TMPRSS3: variants seen among roughly 807,000 people sequenced by gnomAD.
TMPRSS3 encodes transmembrane serine protease 3, also known as transmembrane protease serine 3.
A neutral mutation model predicts 59.6 loss-of-function variants in TMPRSS3; 55 were observed. That is an observed-to-expected ratio of 0.92 (90% CI 0.74 to 1.16). The LOEUF (loss-of-function observed/expected upper bound fraction) is 1.16. Ranked by LOEUF, TMPRSS3 falls within the 50% of genes most tolerant of loss-of-function variation. The probability of loss-of-function intolerance (pLI) is 0.00; values close to 1 mark genes in which losing one functional copy is unlikely to be tolerated. For missense variants in TMPRSS3, 596 were observed against 579.4 expected, an observed-to-expected ratio of 1.03 and a Z score of -0.29; for synonymous variants, 257 against 237.7, an observed-to-expected ratio of 1.08 and a Z score of -0.75.
At chr21:42,385,071 C>CCCTTCCTTCCTTCCTTCCTCCCTCCCTT (rs1201869937) in intron 6 of TMPRSS3, among the ~76,000 whole-genome samples, 1 of 49,978 alleles carries the variant, frequency 2.0e-5, no homozygotes, top group African/African-American at 1.7e-4. Flanking sequence ...CTCCCTCCCT[C>CCCTTCCTTCCTTCCTTCCTCCCTCCCTT]CCTTCCTCTT....
At chr21:42,384,279 A>C (rs2146439010) in intron 6 of TMPRSS3, among the ~76,000 whole-genome samples, 1 of 152,322 alleles carries the variant, frequency 6.6e-6, no homozygotes, top group Middle Eastern at 3.4e-3. Context: ...GCTAGTGATA[A>C]AGGATGTGTA....
chr21:42,388,540 A>C lies in TMPRSS3; in HGVS notation c.323-14T>G, dbSNP rs1342441637. ...CACCCACCCGGACTGGCCGATGTGC[A>C]GAAAGAAAGGCTTATTAGTGGCCAG... On this transcript the variant is annotated splice_polypyrimidine_tract_variant and intron_variant, in intron 4 of 12. Coordinates refer to ENST00000644384, the MANE Select transcript of TMPRSS3 (RefSeq NM_001256317.3). The surrounding 1 kb of genome is among the most constrained non-coding windows in gnomAD (Gnocchi z 5.1). 1 of 1,614,214 alleles carries C rather than the reference A, an allele frequency of 6.2e-7. No homozygotes were observed. The highest frequency in any genetic ancestry group is 1.1e-5 in the South Asian group (1 of 91,080).
At chr21:42,387,824 T>A (rs2052661034) in intron 5 of TMPRSS3, among the ~76,000 whole-genome samples, 1 of 152,214 alleles carries the variant, frequency 6.6e-6, no homozygotes, top group Non-Finnish European at 1.5e-5. Context: ...GGCCCATGCC[T>A]AGGCCAAAAC....
chr21:42,395,919 G>C (rs367759318), intron 1 of TMPRSS3, 23 bp downstream of exon 1: 1 of 518,280 alleles, frequency 1.9e-6, no homozygotes, highest in Admixed American at 1.9e-5. Flanking sequence ...CCTACCATAA[G>C]CATAAGTAGT....
At position 42,395,462 on chromosome 21, in the gene TMPRSS3, C is replaced by T; in HGVS notation, c.-45G>A. On this transcript the variant is annotated 5_prime_UTR_variant, in exon 2 of 13. An upstream open reading frame in the 5' UTR loses its in-frame stop. Transcript: ENST00000644384. ...CTGACATCCGGCTCCGCCTCCACCT[C>T]TACCTCCTTAGCCGAGGAAGAACAG... The T allele has an allele frequency of 1.3e-6, 2 of 1,512,598 alleles. No homozygotes were observed. The highest frequency in any genetic ancestry group is 1.8e-6 in the Non-Finnish European group (2 of 1,088,188). 93.7% of individuals were successfully genotyped at this position (1,512,598 alleles called of 1,614,324 possible).
At chr21:42,380,330 A>C in intron 9 of TMPRSS3, 118 bp from the exon 10 acceptor site, 1 of 832,962 alleles carries the variant, frequency 1.2e-6, no homozygotes, top group Non-Finnish European at 2.0e-6. Flanking sequence ...AGGAAGGTCA[A>C]GCCCTTGGTT....
chr21:42,380,218 T>C lies in TMPRSS3; in HGVS notation c.953-6A>G, dbSNP rs1221337113. On this transcript the variant is annotated splice_region_variant and splice_polypyrimidine_tract_variant and intron_variant, in intron 9 of 12. Transcript: ENST00000644384. ...GCACACAGGCTGGATCATTTCTGCT[T>C]GAAGGGAAACAATAGTTCACAACTC... 29 of 1,610,748 alleles carry C rather than the reference T, an allele frequency of 1.8e-5. No homozygotes were observed. Among genetic ancestry groups the C allele is most frequent in the Non-Finnish European group, 2.3e-5 (27 of 1,177,222 alleles).
rs185821453 is a variant in TMPRSS3 at position 42,382,295 on chromosome 21, C to T, written c.783-61G>A. The T allele has an allele frequency of 4.9e-5, 72 of 1,458,560 alleles. No individual in the cohort carries two copies. In the East Asian group the frequency reaches 1.6e-3, roughly 32 times the overall value. 90.4% of individuals were successfully genotyped at this position (1,458,560 alleles called of 1,614,324 possible). A position where few individuals can be genotyped will look rare whatever the true frequency, so the allele number is the denominator to read the frequency against. ...AAGTCCAACCACTGAACTCATTGAC[C>T]TCAGGTATCCTGAAAACCTAGGAAG... On this transcript the variant is annotated intron_variant, in intron 8 of 12. Coordinates refer to ENST00000644384, the MANE Select transcript of TMPRSS3 (RefSeq NM_001256317.3).
intron 9 of TMPRSS3, 67 bp from the exon 10 acceptor site, chr21:42,380,279 A>G (rs2052504356): frequency 7.4e-7 from 1 of 1,348,626 alleles, no homozygotes. Flanking sequence ...AATCTCATCT[A>G]TGCTTCTGCC....
rs770757134 is a variant in TMPRSS3 at position 42,383,221 on chromosome 21, G to T, written c.617-23C>A. On this transcript the variant is annotated intron_variant, in intron 7 of 12. Transcript: ENST00000644384. Reference sequence around the variant, plus strand: ...AGGCTATGGAGGGGAACAAAGGCTTGTGGGTCCACCCTGCAGACTTCTTTG... The same window carrying T: ...AGGCTATGGAGGGGAACAAAGGCTTTTGGGTCCACCCTGCAGACTTCTTTG... 19 of 1,613,756 alleles carry T rather than the reference G, an allele frequency of 1.2e-5. No individual in the cohort carries two copies. The South Asian group carries it at 2.0e-4, about 17-fold the overall frequency.
Position 42,388,609 on chromosome 21 carries a change from C to T in TMPRSS3, c.323-83G>A. On this transcript the variant is annotated intron_variant, in intron 4 of 12. Transcript: ENST00000644384. The surrounding 1 kb of genome is among the most constrained non-coding windows in gnomAD (Gnocchi z 5.1). ...GGCAGGGGTTTCTCCACAGCCAGCT[C>T]AAACCCCTCCTCTGCCAAATCTGAC... 1.3e-6 allele frequency: 2 copies of T among 1,599,804 alleles called. No individual in the cohort carries two copies. The highest frequency in any genetic ancestry group is 3.3e-5 in the Admixed American group (2 of 59,988).
intron 10 of TMPRSS3, among the ~76,000 whole-genome samples, chr21:42,378,775 T>C (rs1450725477): frequency 1.3e-5 from 2 of 152,192 alleles, no homozygotes; most frequent in Non-Finnish European, 2.9e-5. Context: ...TGGAGTATGA[T>C]GGCATGATCA....
chr21:42,373,371 G>A (rs1193189106), intron 12 of TMPRSS3, among the ~76,000 whole-genome samples: 2 of 152,230 alleles, frequency 1.3e-5, no homozygotes, highest in Non-Finnish European at 2.9e-5. Context: ...TGGTGGGTTG[G>A]AGGCAGCGGA....
intron 6 of TMPRSS3, 89 bp from the exon 7 acceptor site, chr21:42,384,102 A>C (rs2052584488): frequency 1.5e-6 from 2 of 1,292,478 alleles, no homozygotes; most frequent in Non-Finnish European, 2.2e-6. Context: ...GGTAACAGAA[A>C]AATAAATTCT....
In TMPRSS3 at chr21:42,372,464, G is replaced by T; in HGVS notation, c.*298C>A. The T allele has an allele frequency of 1.8e-6, 1 of 566,756 alleles. No individual in the cohort carries two copies. The highest frequency in any genetic ancestry group is 3.3e-6 in the Non-Finnish European group (1 of 300,974). The allele number at this position is 566,756 out of a possible 1,614,324, so 35.1% of individuals were successfully genotyped here. A position where few individuals can be genotyped will look rare whatever the true frequency, so the allele number is the denominator to read the frequency against. ...GGTCCCAGCTACTGGGGAAGCTGAG[G>T]CAAGAGAATCGCTTGAACCAGGGAA... is the stretch of plus-strand genomic sequence containing the variant. On this transcript the variant is annotated 3_prime_UTR_variant, in exon 13 of 13. Transcript: ENST00000644384.
intron 1 of TMPRSS3, 77 bp from the exon 2 acceptor site, chr21:42,395,545 A>G: frequency 1.2e-6 from 1 of 841,444 alleles, no homozygotes; most frequent in Non-Finnish European, 2.0e-6. Context: ...GTCATACGGT[A>G]AATCTTTGAA....
intron 5 of TMPRSS3, among the ~76,000 whole-genome samples, chr21:42,386,844 C>T (rs529824374): frequency 1.0e-3 from 154 of 151,892 alleles, no homozygotes; most frequent in African/African-American, 3.6e-3. Context: ...TGTAGTAGAG[C>T]AGAGAAGATT....
chr21:42,386,762 C>T (rs2052639910), intron 5 of TMPRSS3, among the ~76,000 whole-genome samples: 1 of 148,952 alleles, frequency 6.7e-6, no homozygotes. Flanking sequence ...AGCAATCTAG[C>T]TTGACCGTCC....
rs562881349 is a variant in TMPRSS3 at position 42,376,384 on chromosome 21, G to A, written c.1191+157C>T. On this transcript the variant is annotated intron_variant, in intron 11 of 12. Coordinates refer to ENST00000644384, the MANE Select transcript of TMPRSS3 (RefSeq NM_001256317.3). Reference sequence around the variant, plus strand: ...GAGCCAGATCACTGGGTAAACACAGGGCTGGCAGCCAGGAAAAGGAGTGAT... The same window carrying A: ...GAGCCAGATCACTGGGTAAACACAGAGCTGGCAGCCAGGAAAAGGAGTGAT... 2.0e-5 allele frequency among the ~76,000 whole-genome samples: 3 copies of A among 152,326 alleles called. No homozygotes were observed. In the South Asian group the frequency reaches 6.2e-4, roughly 32 times the overall value.
Sources: gnomAD v4.1 joint callset for allele counts (sites outside exome capture counted in the v4.1 genomes callset) on GRCh38, gnomAD v4.1.1 for gene constraint, Gnocchi (gnomAD v3.1) non-coding constraint, MANE v1.5 for transcripts, NCBI Gene and HGNC (gene_info 2026-07-23, HGNC 2026-07-21) for gene names.